C1orf198: variants seen among roughly 807,000 people sequenced by gnomAD.
C1orf198 encodes chromosome 1 open reading frame 198.
Under a neutral mutation model 31.4 loss-of-function variants are expected in C1orf198, and 17 were observed. The observed-to-expected ratio is 0.54, with a 90% CI of 0.37 to 0.81. C1orf198 has a LOEUF of 0.81. C1orf198 is among the 40% of genes least tolerant of loss of function. C1orf198 has a pLI of 0.00. For synonymous variants in C1orf198, 175 were observed against 193.8 expected (o/e 0.90, Z 0.81); for missense variants, 401 against 450.3 (o/e 0.89, Z 0.99).
At chr1:230,864,025 A>G (rs1042396514) in intron 1 of C1orf198, among the ~76,000 whole-genome samples, 2 of 152,128 alleles carry the variant, frequency 1.3e-5, no homozygotes, top group Non-Finnish European at 2.9e-5. Context: ...CTAAAGGGAA[A>G]GGGGATGAGG....
chr1:230,841,788 A>T (rs1669450011), intron 3 of C1orf198, among the ~76,000 whole-genome samples: 1 of 152,258 alleles, frequency 6.6e-6, no homozygotes, highest in Non-Finnish European at 1.5e-5. Flanking sequence ...GTATGCACCC[A>T]GGAGAAGGGA....
chr1:230,851,575 T>A (rs1471461228), intron 2 of C1orf198, among the ~76,000 whole-genome samples: 2 of 146,720 alleles, frequency 1.4e-5, no homozygotes, highest in Non-Finnish European at 3.1e-5. Context: ...CAACATTAGG[T>A]CCCCACTGGC....
chr1:230,850,943 G>A (rs191576745), intron 2 of C1orf198, among the ~76,000 whole-genome samples: 9 of 152,140 alleles, frequency 5.9e-5, no homozygotes, highest in East Asian at 1.9e-4. Flanking sequence ...ATTGCTCTCC[G>A]CCCACTCGAC....
chr1:230,856,367 G>C (rs1218741764), intron 1 of C1orf198, among the ~76,000 whole-genome samples: 1 of 151,118 alleles, frequency 6.6e-6, no homozygotes, highest in Non-Finnish European at 1.5e-5. Flanking sequence ...CCACCAAACA[G>C]AACAGGACAG....
rs568076529 is a variant in C1orf198, at chr1:230,843,499, T to G, written c.782A>C (p.Glu261Ala). The change falls in exon 3 of 4, where the codon GAA becomes GCA. Residue 261 changes from glutamate (E) to alanine (A), a missense_variant. Physicochemically the swap from Glu to Ala is moderately radical, Grantham distance 107. Coordinates refer to ENST00000366663, the MANE Select transcript of C1orf198 (RefSeq NM_032800.3). This position sits in a 1 kb window ranked among gnomAD's most constrained non-coding sequence, Gnocchi z 4.9. Reference sequence around the variant, plus strand: ...CTGGACAGGCTGGGGTCTCTCACGTTCGGTGCTCACGTTGGGAAGAGGACG... The same window carrying G: ...CTGGACAGGCTGGGGTCTCTCACGTGCGGTGCTCACGTTGGGAAGAGGACG... Reference protein sequence around the residue: ...EQRPLPNVSTERERPQPVQAF... With the variant: ...EQRPLPNVSTARERPQPVQAF... 7.1e-5 allele frequency: 114 copies of G among 1,612,524 alleles called. No homozygotes were observed. Among genetic ancestry groups the G allele is most frequent in the Non-Finnish European group, 9.0e-5 (106 of 1,179,266 alleles).
chr1:230,868,274 G>A lies in C1orf198; in HGVS notation c.239C>T (p.Pro80Leu), dbSNP rs766165123. The A allele has an allele frequency of 6.3e-7, 1 of 1,585,072 alleles. No individual in the cohort carries two copies. The highest frequency in any genetic ancestry group is 8.6e-7 in the Non-Finnish European group (1 of 1,167,870). Residue 80 changes from proline (P) to leucine (L), a missense_variant, in exon 1 of 4, where the codon CCG (proline) becomes CTG (leucine). Pro to Leu is a moderately conservative substitution (Grantham distance 98, BLOSUM62 -3). Transcript: ENST00000366663. ...CGAGTCCCCGGGGTCTCGGGGCGCC[G>A]GGGCGCGCGGCCCCACCAGGCACCG... ...IDRCLVGPRA[P>L]APRDPGDSEE...
chr1:230,842,512 G>A (rs1250137559), intron 3 of C1orf198, among the ~76,000 whole-genome samples: 1 of 152,122 alleles, frequency 6.6e-6, no homozygotes, highest in African/African-American at 2.4e-5. Context: ...AACATCATAT[G>A]TTCTCACTCA....
chr1:230,869,159 G>T (rs1670200879), upstream of C1orf198: 1 of 152,470 alleles, frequency 6.6e-6, no homozygotes, highest in South Asian at 2.1e-4. Flanking sequence ...CGACCTGGAA[G>T]GCTGGACCGG....
intron 1 of C1orf198, among the ~76,000 whole-genome samples, chr1:230,864,109 G>C (rs961838200): frequency 2.6e-5 from 4 of 152,246 alleles, no homozygotes; most frequent in Middle Eastern, 3.4e-3. Flanking sequence ...AAGATGTAAG[G>C]CTCAAGAAAG....
chr1:230,852,518 T>A (rs1302612306), intron 2 of C1orf198, among the ~76,000 whole-genome samples: 1 of 152,190 alleles, frequency 6.6e-6, no homozygotes, highest in Admixed American at 6.5e-5. Flanking sequence ...CAAAACATCT[T>A]GTTGTACATC....
At position 230,838,215 on chromosome 1, in the gene C1orf198, A is replaced by C. The variant is rs974406817; in HGVS notation, c.*1637T>G. 6.6e-5 allele frequency: 10 copies of C among 152,256 alleles called. No homozygotes were observed. Among genetic ancestry groups the C allele is most frequent in the African/African-American group, 2.4e-4 (10 of 41,462 alleles). The allele number at this position is 152,256 out of a possible 1,614,324, so 9.4% of individuals were successfully genotyped here. ...TCCTTTTTCCCTCACCACCATGCTG[A>C]AACCTTTTTTTGCCTCACATATATC... On this transcript the variant is annotated 3_prime_UTR_variant, in exon 4 of 4. Coordinates refer to ENST00000366663, the MANE Select transcript of C1orf198 (RefSeq NM_032800.3). This position sits in a 1 kb window ranked among gnomAD's most constrained non-coding sequence, Gnocchi z 4.2.
At chr1:230,847,102 C>CA (rs71179741) in intron 2 of C1orf198, among the ~76,000 whole-genome samples, 2,180 of 69,578 alleles carry the variant, frequency 0.031, 203 homozygotes, top group East Asian at 0.11. Flanking sequence ...GACTCCGTCT[C>CA]AAAAAAAAAA....
chr1:230,848,564 T>C (rs1357451723), intron 2 of C1orf198, among the ~76,000 whole-genome samples: 2 of 152,144 alleles, frequency 1.3e-5, no homozygotes, highest in African/African-American at 2.4e-5. Context: ...TCCCAACACA[T>C]AGAAATTAAA....
intron 1 of C1orf198, among the ~76,000 whole-genome samples, chr1:230,860,826 A>C (rs1202576): frequency 0.81 from 122,945 of 151,920 alleles, 49,861 homozygotes; most frequent in South Asian, 0.93. Context: ...CACAACATTG[A>C]GACTGTACTA....
chr1:230,842,795 G>A (rs373743131), intron 3 of C1orf198, among the ~76,000 whole-genome samples: 1 of 152,060 alleles, frequency 6.6e-6, no homozygotes, highest in African/African-American at 2.4e-5. Flanking sequence ...GGAGTCTCAA[G>A]GGCCAGAGGA....
In C1orf198 at chr1:230,840,861, A is replaced by C. The variant is rs556340806; in HGVS notation, c.928-953T>G. The stretch of plus-strand genomic sequence containing the variant: ...AGACTGGTGCAGAGTGAGGCAAAAC[A>C]TGCAGAATGGAAGGAGTGCAATCCA... On this transcript the variant is annotated intron_variant, in intron 3 of 3. Transcript: ENST00000366663. The surrounding 1 kb of genome is among the most constrained non-coding windows in gnomAD (Gnocchi z 4.0). Among the ~76,000 whole-genome samples, 6 of 152,228 alleles carry C rather than the reference A, an allele frequency of 3.9e-5. No individual in the cohort carries two copies. The highest frequency in any genetic ancestry group is 8.8e-5 in the Non-Finnish European group (6 of 68,042).
intron 2 of C1orf198, among the ~76,000 whole-genome samples, chr1:230,850,970 C>G (rs1410777338): frequency 6.6e-6 from 1 of 152,068 alleles, no homozygotes; most frequent in East Asian, 1.9e-4. Flanking sequence ...GGCACCTGAC[C>G]CCCTGCATCC....
At chr1:230,864,524 GTGGA>G (rs1670070236) in intron 1 of C1orf198, among the ~76,000 whole-genome samples, 2 of 152,222 alleles carry the variant, frequency 1.3e-5, no homozygotes, top group Non-Finnish European at 2.9e-5. Context: ...GGACACGGCA[GTGGA>G]TCATGCCAAG....
intron 1 of C1orf198, among the ~76,000 whole-genome samples, chr1:230,862,794 C>T (rs1314068688): frequency 6.6e-6 from 1 of 152,158 alleles, no homozygotes; most frequent in Non-Finnish European, 1.5e-5. Context: ...GGGTACATGT[C>T]ATTATTCATT....
Sources: allele counts gnomAD v4.1 joint callset (sites outside exome capture counted in the v4.1 genomes callset), GRCh38; gene constraint gnomAD v4.1.1; non-coding constraint Gnocchi (gnomAD v3.1); transcripts MANE v1.5; gene names NCBI Gene and HGNC (gene_info 2026-07-23, HGNC 2026-07-21).